RUFY4: variants seen among roughly 807,000 people sequenced by gnomAD.
RUFY4 encodes the protein RUN and FYVE domain containing 4, also known as RUN and FYVE domain-containing protein 4.
RUFY4 carries 73 observed loss-of-function variants against 69.0 expected under a neutral mutation model. That is an observed-to-expected ratio of 1.06 (90% confidence interval 0.88 to 1.29). The LOEUF (loss-of-function observed/expected upper bound fraction) is 1.29, where lower values mean the gene tolerates loss of function less well. RUFY4 is among the 50% of genes most tolerant of loss of function. RUFY4 has a pLI of 0.00. For synonymous variants in RUFY4, 287 were observed against 271.8 expected (o/e 1.06, Z -0.55); for missense variants, 770 against 705.6 (o/e 1.09, Z -1.03).
At chr2:218,039,646 T>C (rs1574490156) in intron 2 of RUFY4, among the ~76,000 whole-genome samples, 1 of 152,042 alleles carries the variant, frequency 6.6e-6, no homozygotes, top group Admixed American at 6.5e-5. Context: ...CTAAGGCAGG[T>C]TCCCAGAGAA....
In RUFY4 at chr2:218,060,413, T is replaced by C. The variant is rs571950913; in HGVS notation, c.-1071+1732T>C. On this transcript the variant is annotated intron_variant and NMD_transcript_variant, in intron 3 of 13. Coordinates refer to the RUFY4 transcript ENST00000457754. ...CTGCTGTCTTTGGGCAGGGAGTCCT[T>C]GCTGATCAAGCCGTGTATGGCTATA... is the stretch of plus-strand genomic sequence containing the variant. 456 of 1,552,360 alleles carry C rather than the reference T, an allele frequency of 2.9e-4. 4 individuals are homozygous for C. The South Asian group carries it at 5.3e-3, about 18-fold the overall frequency.
exon 10 of RUFY4, chr2:218,089,267 G>A (rs1349179956): frequency 6.2e-7 from 1 of 1,613,730 alleles, no homozygotes; most frequent in South Asian, 1.1e-5. Flanking sequence ...AGGACCGCCT[G>A]TGGCAGAGGC....
At chr2:218,080,420 A>G (rs11687434) in intron 8 of RUFY4, among the ~76,000 whole-genome samples, 67,903 of 151,910 alleles carry the variant, frequency 0.45, 15,607 homozygotes, top group Middle Eastern at 0.61. Context: ...ACTTTGGGCT[A>G]AGACATGGGG....
intron 3 of RUFY4, 94 bp downstream of exon 5, chr2:218,072,593 C>G: frequency 6.8e-7 from 1 of 1,472,954 alleles, no homozygotes; most frequent in South Asian, 1.3e-5. Flanking sequence ...CCATAGACCC[C>G]TCACCTGCTC....
chr2:218,043,659 A>ATT (rs897856911), intron 2 of RUFY4, among the ~76,000 whole-genome samples: 22 of 152,276 alleles, frequency 1.4e-4, no homozygotes, highest in African/African-American at 5.1e-4. Context: ...GTGCATGCTG[A>ATT]TTGGTCCATC....
intron 3 of RUFY4, chr2:218,060,794 C>A (rs536641965): frequency 6.3e-7 from 1 of 1,581,440 alleles, no homozygotes; most frequent in Non-Finnish European, 8.7e-7. Flanking sequence ...TCCGTAACAG[C>A]ATCCACCAGT....
intron 2 of RUFY4, among the ~76,000 whole-genome samples, chr2:218,071,254 C>T (rs1689479337): frequency 6.6e-6 from 1 of 152,162 alleles, no homozygotes; most frequent in Admixed American, 6.5e-5. Flanking sequence ...ATGCAATCCT[C>T]ACTCTCGCCC....
chr2:218,044,726 G>T (rs896820546), intron 2 of RUFY4, among the ~76,000 whole-genome samples: 1 of 152,150 alleles, frequency 6.6e-6, no homozygotes, highest in Non-Finnish European at 1.5e-5. Context: ...AGTTTGCTAA[G>T]GATAATAGCC....
chr2:218,041,415 G>A (rs73082329), intron 2 of RUFY4, among the ~76,000 whole-genome samples: 13,605 of 152,256 alleles, frequency 0.089, 1,828 homozygotes, highest in African/African-American at 0.29. Context: ...CCCAGTCCAT[G>A]AGCATAGTAT....
intron 9 of RUFY4, among the ~76,000 whole-genome samples, chr2:218,084,865 T>C (rs1326078009): frequency 6.6e-6 from 1 of 152,110 alleles, no homozygotes; most frequent in Non-Finnish European, 1.5e-5. Context: ...CTGAACAACA[T>C]GGTGAAGCTC....
intron 6 of RUFY4, among the ~76,000 whole-genome samples, chr2:218,074,166 C>T (rs761859680): frequency 5.9e-5 from 9 of 152,100 alleles, no homozygotes; most frequent in South Asian, 2.1e-4. Flanking sequence ...CTATGAGGGG[C>T]GGGCCACTGA....
intron 8 of RUFY4, among the ~76,000 whole-genome samples, chr2:218,081,581 G>A (rs1413705270): frequency 6.6e-6 from 1 of 152,190 alleles, no homozygotes; most frequent in Non-Finnish European, 1.5e-5. Context: ...CACAGTAGGT[G>A]CTAAGTAAGT....
At chr2:218,042,840 T>A (rs1430320837) in intron 2 of RUFY4, among the ~76,000 whole-genome samples, 1 of 152,210 alleles carries the variant, frequency 6.6e-6, no homozygotes, top group Admixed American at 6.5e-5. Context: ...CAGAATTTGA[T>A]AATGAGTGTG....
At chr2:218,082,617 T>C (rs1399673307) in intron 8 of RUFY4, among the ~76,000 whole-genome samples, 3 of 152,106 alleles carry the variant, frequency 2.0e-5, no homozygotes, top group Non-Finnish European at 4.4e-5. Context: ...ATATTGTATG[T>C]GTGTGTGTAA....
intron 3 of RUFY4, among the ~76,000 whole-genome samples, chr2:218,061,888 AG>A (rs1689203533): frequency 6.6e-6 from 1 of 152,248 alleles, no homozygotes; most frequent in African/African-American, 2.4e-5. Context: ...AAACAGATCA[AG>A]GTTTGACTAT....
intron 9 of RUFY4, among the ~76,000 whole-genome samples, chr2:218,088,800 C>T (rs1689955042): frequency 6.6e-6 from 1 of 152,130 alleles, no homozygotes; most frequent in Non-Finnish European, 1.5e-5. Context: ...ATCTCTCCAT[C>T]TGTCTCCATA....
chr2:218,075,308 G>A, exon 7 of RUFY4: 2 of 1,607,096 alleles, frequency 1.2e-6, no homozygotes, highest in South Asian at 2.2e-5. Flanking sequence ...AAGGGAAGGA[G>A]CTTCAGCTAG....
chr2:218,045,740 T>G (rs1688810994), intron 2 of RUFY4, among the ~76,000 whole-genome samples: 1 of 152,108 alleles, frequency 6.6e-6, no homozygotes, highest in African/African-American at 2.4e-5. Context: ...CAGTCTTTTT[T>G]CTCCTTCTTT....
At chr2:218,047,117 T>C (rs1199982925) in intron 2 of RUFY4, among the ~76,000 whole-genome samples, 1 of 151,950 alleles carries the variant, frequency 6.6e-6, no homozygotes, top group Non-Finnish European at 1.5e-5. Context: ...AAAAGGCTTT[T>C]AAAAAGACAA....
Sources: gnomAD v4.1 joint callset for allele counts (sites outside exome capture counted in the v4.1 genomes callset) on GRCh38, gnomAD v4.1.1 for gene constraint, MANE v1.5 for transcripts, NCBI Gene and HGNC (gene_info 2026-07-23, HGNC 2026-07-21) for gene names.